The following SRD5A3 variants were observed in gnomAD, a reference collection of about 807,000 sequenced individuals.
SRD5A3 encodes the protein steroid 5 alpha-reductase 3, also known as polyprenal reductase.
In SRD5A3, 24 loss-of-function variants were observed where a neutral mutation model predicts 34.3. The observed-to-expected ratio is 0.70, with a 90% CI of 0.51 to 0.99. The LOEUF (loss-of-function observed/expected upper bound fraction) is 0.99. Among genes scored for constraint, SRD5A3 ranks in the 50% least tolerant of loss-of-function variants. SRD5A3 has a pLI of 0.00. For synonymous variants in SRD5A3, 161 were observed against 167.3 expected (o/e 0.96, Z 0.29); for missense variants, 350 against 388.2 (o/e 0.90, Z 0.83).
At chr4:55,362,748 G>T (rs1280859165) in intron 2 of SRD5A3, among the ~76,000 whole-genome samples, 3 of 151,124 alleles carry the variant, frequency 2.0e-5, no homozygotes, top group Non-Finnish European at 4.4e-5. Flanking sequence ...TCTGGGTGCT[G>T]TTACATGGGT....
intron 2 of SRD5A3, among the ~76,000 whole-genome samples, chr4:55,363,582 T>C (rs2109479508): frequency 6.6e-6 from 1 of 152,356 alleles, no homozygotes; most frequent in African/African-American, 2.4e-5. Flanking sequence ...GAAGTAGATC[T>C]TGGGCTCAGC....
chr4:55,364,450 C>T (rs1453797478), intron 3 of SRD5A3, 179 bp downstream of exon 3: 5 of 686,060 alleles, frequency 7.3e-6, no homozygotes, highest in Non-Finnish European at 1.3e-5. Context: ...GTCGCTTACA[C>T]CTGTAATCCC....
rs1435843682 is a variant in SRD5A3 at position 55,370,916 on chromosome 4, CA to C, written c.*829del. ...ATAATAATAATATATAATTTTACAC[CA>C]AAAGTTTCAGGAAAAAACGAGTTTG... On this transcript the variant is annotated 3_prime_UTR_variant, in exon 5 of 5. Coordinates refer to ENST00000264228, the MANE Select transcript of SRD5A3 (RefSeq NM_024592.5). 6.6e-6 allele frequency: 1 copy of C among 151,972 alleles called. No homozygotes were observed. Among genetic ancestry groups the C allele is most frequent in the Non-Finnish European group, 1.5e-5 (1 of 67,992 alleles). 9.4% of individuals were successfully genotyped at this position (151,972 alleles called of 1,614,324 possible). A position where few individuals can be genotyped will look rare whatever the true frequency, so the allele number is the denominator to read the frequency against.
At chr4:55,365,074 C>T (rs1263293113) in intron 3 of SRD5A3, among the ~76,000 whole-genome samples, 2 of 152,074 alleles carry the variant, frequency 1.3e-5, no homozygotes, top group Non-Finnish European at 2.9e-5. Context: ...ATTCAAGTCG[C>T]TTGGGGTGAT....
In SRD5A3 at chr4:55,372,328, A is replaced by G. The variant is rs566061509; in HGVS notation, c.*2237A>G. ...CGAGCATCCCATGACGCACCCTGTCAGGGGTTGTGAGAAAGCTGCAGTGTC... is the reference window on the plus strand; with the variant it reads ...CGAGCATCCCATGACGCACCCTGTCGGGGGTTGTGAGAAAGCTGCAGTGTC... On this transcript the variant is annotated 3_prime_UTR_variant, in exon 5 of 5. Coordinates refer to ENST00000264228, the MANE Select transcript of SRD5A3 (RefSeq NM_024592.5). 2.6e-5 allele frequency: 4 copies of G among 152,310 alleles called. No homozygotes were observed. The South Asian group carries it at 8.3e-4, about 32-fold the overall frequency. 9.4% of individuals were successfully genotyped at this position (152,310 alleles called of 1,614,324 possible). A position where few individuals can be genotyped will look rare whatever the true frequency, so the allele number is the denominator to read the frequency against.
At chr4:55,346,916 G>T (rs1387112031) in intron 1 of SRD5A3, among the ~76,000 whole-genome samples, 2 of 147,482 alleles carry the variant, frequency 1.4e-5, no homozygotes, top group African/African-American at 4.9e-5. Context: ...AGTGCCCCTT[G>T]CCCCAAATTC....
chr4:55,346,490 T>C lies in SRD5A3; in HGVS notation c.154T>C (p.Tyr52His), dbSNP rs373152788. 2 of 1,603,928 alleles carry C rather than the reference T, an allele frequency of 1.2e-6. No homozygotes were observed. The highest frequency in any genetic ancestry group is 1.4e-5 in the African/African-American group (1 of 73,600). Reference sequence around the variant, plus strand: ...CGCGATCTTCCAGGACCTGATCCGCTATGGGAAAACCAAGTGTGGGGAGCC... The same window carrying C: ...CGCGATCTTCCAGGACCTGATCCGCCATGGGAAAACCAAGTGTGGGGAGCC... Reference protein sequence around the residue: ...GCAIFQDLIRYGKTKCGEPSR... With the variant: ...GCAIFQDLIRHGKTKCGEPSR... Residue 52 changes from tyrosine (Y) to histidine (H), a missense_variant, in exon 1 of 5, where the codon TAT (tyrosine) becomes CAT (histidine). Tyr to His is a moderately conservative substitution (Grantham distance 83). Coordinates refer to ENST00000264228, the MANE Select transcript of SRD5A3 (RefSeq NM_024592.5).
intron 1 of SRD5A3, among the ~76,000 whole-genome samples, chr4:55,350,699 C>G (rs566700747): frequency 6.7e-6 from 1 of 150,356 alleles, no homozygotes; most frequent in South Asian, 2.1e-4. Context: ...TAACGTAAAT[C>G]AAAAAAAGCA....
chr4:55,351,176 G>A (rs370134063), intron 1 of SRD5A3, among the ~76,000 whole-genome samples: 23 of 151,408 alleles, frequency 1.5e-4, no homozygotes, highest in Non-Finnish European at 7.4e-5. Context: ...GGGTTCAAGC[G>A]ATTCTCCTGC....
intron 1 of SRD5A3, among the ~76,000 whole-genome samples, chr4:55,350,253 C>G (rs2109460846): frequency 6.6e-6 from 1 of 152,218 alleles, no homozygotes; most frequent in Non-Finnish European, 1.5e-5. Context: ...ACCGGTAATT[C>G]CAGCTACTTG....
chr4:55,367,647 A>T lies in SRD5A3; in HGVS notation c.622A>T (p.Met208Leu). The T allele has an allele frequency of 6.2e-7, 1 of 1,614,108 alleles. No homozygotes were observed. The change falls in exon 4 of 5, where the codon ATG becomes TTG. Residue 208 changes from methionine (M) to leucine (L), a missense_variant. Coordinates refer to ENST00000264228, the MANE Select transcript of SRD5A3 (RefSeq NM_024592.5). ...ACGGTGGTTCCATATTCTTGGGATG[A>T]TGATGTTCATCTGGTCATCTGCCCA... ...QARWFHILGM[M>L]MFIWSSAHQY...
intron 1 of SRD5A3, among the ~76,000 whole-genome samples, chr4:55,350,865 C>T (rs1306653095): frequency 6.0e-5 from 9 of 150,362 alleles, no homozygotes; most frequent in African/African-American, 1.5e-4. Flanking sequence ...TGGGTTCAAG[C>T]GATTCTCCTG....
At chr4:55,354,670 A>ATTT (rs1448587828) in intron 1 of SRD5A3, among the ~76,000 whole-genome samples, 2 of 152,158 alleles carry the variant, frequency 1.3e-5, no homozygotes, top group African/African-American at 4.8e-5. Flanking sequence ...TTCTACTCAA[A>ATTT]TATTACCTTC....
At chr4:55,368,794 A>C (rs1017036472) in intron 4 of SRD5A3, among the ~76,000 whole-genome samples, 1 of 151,846 alleles carries the variant, frequency 6.6e-6, no homozygotes, top group African/African-American at 2.4e-5. Flanking sequence ...GCTGGAGTGC[A>C]GTGGCACCAT....
chr4:55,364,212 T>C lies in SRD5A3; in HGVS notation c.503T>C (p.Val168Ala), dbSNP rs1719791707. ...IHVVQYCFGL[V>A]YYVLVGLTVL... ...GTCGTGCAGTACTGTTTTGGACTTG[T>C]CTATTATGTCCTTGTTGGCCTAACT... is the stretch of plus-strand genomic sequence containing the variant. Residue 168 changes from valine (V) to alanine (A), a missense_variant, in exon 3 of 5, where the codon GTC becomes GCC. By Grantham distance (64) the Val-to-Ala change is moderately conservative (BLOSUM62 0). This residue lies in a region of SRD5A3 where 186 missense variants were observed against 221.4 expected (regional missense o/e 0.84). Transcript: ENST00000264228. 6.2e-7 allele frequency: 1 copy of C among 1,613,992 alleles called. No individual in the cohort carries two copies. The highest frequency in any genetic ancestry group is 1.7e-5 in the Admixed American group (1 of 60,000).
At chr4:55,353,910 G>A (rs1472096510) in intron 1 of SRD5A3, among the ~76,000 whole-genome samples, 1 of 152,188 alleles carries the variant, frequency 6.6e-6, no homozygotes, top group African/African-American at 2.4e-5. Context: ...CTTGAAGTCA[G>A]CAAGACCAAG....
rs1200547932 is a variant in SRD5A3, at chr4:55,372,789, CTA to C, written c.*2699_*2700del. On this transcript the variant is annotated 3_prime_UTR_variant, in exon 5 of 5. Transcript: ENST00000264228. The stretch of plus-strand genomic sequence containing the variant: ...CAGCCTTCCCTTGATTAACTACTGA[CTA>C]AAAGTGTGCTGAAAATGGCCTTTGT... 2 of 152,156 alleles carry C rather than the reference CTA, an allele frequency of 1.3e-5. No homozygotes were observed. The highest frequency in any genetic ancestry group is 2.9e-5 in the Non-Finnish European group (2 of 68,026). 9.4% of individuals were successfully genotyped at this position (152,156 alleles called of 1,614,324 possible).
chr4:55,355,687 G>T (rs1719427774), intron 1 of SRD5A3, among the ~76,000 whole-genome samples: 1 of 152,150 alleles, frequency 6.6e-6, no homozygotes. Flanking sequence ...AGCAAGTTCA[G>T]GCACGCCTAG....
At position 55,371,129 on chromosome 4, in the gene SRD5A3, A is replaced by G. The variant is rs571663180; in HGVS notation, c.*1038A>G. On this transcript the variant is annotated 3_prime_UTR_variant, in exon 5 of 5. Transcript: ENST00000264228. ...AAAAATGAAAGCATCAGAAGATAAA[A>G]TATTTTTATATTTATGCATAGCAAG... 1 of 152,290 alleles carries G rather than the reference A, an allele frequency of 6.6e-6. No individual in the cohort carries two copies. The highest frequency in any genetic ancestry group is 1.9e-4 in the East Asian group (1 of 5,188). 9.4% of individuals were successfully genotyped at this position (152,290 alleles called of 1,614,324 possible).
Sources: gnomAD v4.1 joint callset for allele counts (sites outside exome capture counted in the v4.1 genomes callset) on GRCh38, gnomAD v4.1.1 for gene constraint, gnomAD v4.1.1 regional missense constraint, MANE v1.5 for transcripts, NCBI Gene and HGNC (gene_info 2026-07-23, HGNC 2026-07-21) for gene names.